The following PALLD variants were observed in gnomAD, a reference collection of about 807,000 sequenced individuals.
The protein encoded by PALLD is palladin, cytoskeletal associated protein.
Under a neutral mutation model 123.5 loss-of-function variants are expected in PALLD, and 61 were observed. That is an observed-to-expected ratio of 0.49 (90% confidence interval 0.40 to 0.61). The LOEUF (loss-of-function observed/expected upper bound fraction) is 0.61. Among genes scored for constraint, PALLD ranks in the 20% least tolerant of loss-of-function variants. The pLI, the probability that PALLD is intolerant of heterozygous loss-of-function variation, is 0.00. For missense variants in PALLD, 1,273 were observed against 1,377.0 expected (o/e 0.92, Z 1.20); for synonymous variants, 465 against 496.4 (o/e 0.94, Z 0.84).
At chr4:168,766,713 G>T (rs1733715282) in intron 10 of PALLD, among the ~76,000 whole-genome samples, 1 of 152,226 alleles carries the variant, frequency 6.6e-6, no homozygotes, top group Non-Finnish European at 1.5e-5. Flanking sequence ...CGACCTTCGG[G>T]AGAAGTCACT....
At chr4:168,874,117 G>T (rs1751432629) in intron 10 of PALLD, among the ~76,000 whole-genome samples, 1 of 152,194 alleles carries the variant, frequency 6.6e-6, no homozygotes, top group South Asian at 2.1e-4. Context: ...ATAATTTATT[G>T]AGCTCATACT....
intron 15 of PALLD, among the ~76,000 whole-genome samples, chr4:168,904,957 T>C (rs1257503343): frequency 6.6e-6 from 1 of 151,740 alleles, no homozygotes; most frequent in Non-Finnish European, 1.5e-5. Flanking sequence ...CGAAACCCTG[T>C]CTCTACTAAA....
intron 10 of PALLD, among the ~76,000 whole-genome samples, chr4:168,808,741 C>T (rs929844380): frequency 6.6e-6 from 1 of 152,148 alleles, no homozygotes; most frequent in Non-Finnish European, 1.5e-5. Flanking sequence ...AGCATGAGAG[C>T]CGATGGAAAC....
At chr4:168,846,113 T>C (rs1746804412) in intron 10 of PALLD, among the ~76,000 whole-genome samples, 1 of 152,220 alleles carries the variant, frequency 6.6e-6, no homozygotes, top group African/African-American at 2.4e-5. Flanking sequence ...CATTCAACCA[T>C]GCATGTACAA....
intron 10 of PALLD, among the ~76,000 whole-genome samples, chr4:168,855,845 C>G (rs28637145): frequency 0.04 from 6,118 of 152,328 alleles, 398 homozygotes; most frequent in African/African-American, 0.13. Flanking sequence ...GAAGTGCTAT[C>G]ATGACCCCCA....
intron 2 of PALLD, among the ~76,000 whole-genome samples, chr4:168,538,710 C>T (rs552471622): frequency 2.0e-5 from 3 of 152,248 alleles, no homozygotes; most frequent in African/African-American, 7.2e-5. Context: ...AAAAACGTCT[C>T]CCAACTCTAA....
At chr4:168,832,089 C>T in intron 10 of PALLD, 3 of 964,800 alleles carry the variant, frequency 3.1e-6, no homozygotes, top group Non-Finnish European at 3.7e-6. Flanking sequence ...CTGCCCCGCG[C>T]CCGGTCCGCG....
intron 2 of PALLD, among the ~76,000 whole-genome samples, chr4:168,593,507 T>C (rs1580474823): frequency 6.6e-6 from 1 of 151,136 alleles, no homozygotes; most frequent in South Asian, 2.1e-4. Context: ...CAAAAGCACA[T>C]GCTCTCTTCT....
chr4:168,828,153 C>T (rs1457652622), intron 10 of PALLD, among the ~76,000 whole-genome samples: 1 of 152,178 alleles, frequency 6.6e-6, no homozygotes, highest in Non-Finnish European at 1.5e-5. Flanking sequence ...TGAGGAAATA[C>T]ATAGCAAAAG....
intron 10 of PALLD, among the ~76,000 whole-genome samples, chr4:168,820,785 C>G (rs1742605294): frequency 6.6e-6 from 1 of 152,032 alleles, no homozygotes; most frequent in Non-Finnish European, 1.5e-5. Flanking sequence ...GCCAGGTATC[C>G]AGGTGATAAT....
intron 10 of PALLD, among the ~76,000 whole-genome samples, chr4:168,760,354 G>T (rs1444045454): frequency 3.9e-5 from 6 of 152,066 alleles, no homozygotes. Context: ...CCAGCCCCTT[G>T]GTTACTCTAC....
At chr4:168,636,805 G>C (rs557953829) in intron 2 of PALLD, among the ~76,000 whole-genome samples, 2 of 152,272 alleles carry the variant, frequency 1.3e-5, no homozygotes, top group African/African-American at 4.8e-5. Context: ...GAGTGTCCAA[G>C]TGCATTTGGG....
At chr4:168,833,411 T>A (rs1744622329) in intron 10 of PALLD, among the ~76,000 whole-genome samples, 2 of 152,132 alleles carry the variant, frequency 1.3e-5, no homozygotes, top group African/African-American at 4.8e-5. Context: ...CCTGGGAGTC[T>A]CTAGGAGCCA....
chr4:168,654,999 G>A (rs1778418225), intron 2 of PALLD, among the ~76,000 whole-genome samples: 1 of 152,192 alleles, frequency 6.6e-6, no homozygotes, highest in Non-Finnish European at 1.5e-5. Context: ...GTGTGTGTGT[G>A]TGTGTGTAAT....
intron 10 of PALLD, among the ~76,000 whole-genome samples, chr4:168,812,842 C>T (rs1320153968): frequency 6.6e-6 from 1 of 152,140 alleles, no homozygotes; most frequent in Non-Finnish European, 1.5e-5. Flanking sequence ...AAGTTGATGG[C>T]AACTATTTTC....
intron 10 of PALLD, among the ~76,000 whole-genome samples, chr4:168,830,730 G>C (rs957137194): frequency 6.6e-6 from 1 of 152,124 alleles, no homozygotes; most frequent in Non-Finnish European, 1.5e-5. Flanking sequence ...TACAGACATC[G>C]TTATTCATTT....
rs70961555 is a variant in PALLD at position 168,761,645 on chromosome 4, G to GTTTT, written c.1964+49750_1964+49753dup. On this transcript the variant is annotated intron_variant, in intron 10 of 21. Coordinates refer to ENST00000505667, the MANE Select transcript of PALLD (RefSeq NM_001166108.2). ...CCAGCTATTTTTGTTGTTGTTGTTT[G>GTTTT]TTTTTTTTTTTTTTTTTTTTTTTTT... Among the ~76,000 whole-genome samples, 219 of 87,762 alleles carry GTTTT rather than the reference G, an allele frequency of 2.5e-3. 10 individuals carry two copies. The highest frequency in any genetic ancestry group is 4.5e-3 in the South Asian group (9 of 2,000). 57.6% of individuals were successfully genotyped at this position (87,762 alleles called of 152,430 possible). A position where few individuals can be genotyped will look rare whatever the true frequency, so the allele number is the denominator to read the frequency against.
At chr4:168,507,582 T>G (rs1962362) in intron 1 of PALLD, 1 of 202,218 alleles carries the variant, frequency 4.9e-6, no homozygotes, top group Non-Finnish European at 1.0e-5. Context: ...GATAAATGTG[T>G]GCACCCCCTG....
rs762509448 is a variant in PALLD, at chr4:168,894,717, C to T, written c.2199+40C>T. ...TGGACTTCTTAGGGTAACATTTATT[C>T]TGTCCCCCTTTTCCATCTTCCTTAT... On this transcript the variant is annotated intron_variant, in intron 12 of 21. Transcript: ENST00000505667. 10 of 1,599,778 alleles carry T rather than the reference C, an allele frequency of 6.3e-6. No individual in the cohort carries two copies. In the Admixed American group the frequency reaches 6.8e-5, roughly 11 times the overall value.
Sources: allele counts gnomAD v4.1 joint callset (sites outside exome capture counted in the v4.1 genomes callset), GRCh38; gene constraint gnomAD v4.1.1; transcripts MANE v1.5; gene names NCBI Gene and HGNC (gene_info 2026-07-23, HGNC 2026-07-21).